Variants in SGCZ observed in about 807,000 individuals in gnomAD.
SGCZ encodes zeta-sarcoglycan.
A neutral mutation model predicts 41.3 loss-of-function variants in SGCZ; 40 were observed. The observed-to-expected ratio is 0.97, with a 90% CI of 0.75 to 1.26. The LOEUF (loss-of-function observed/expected upper bound fraction) is 1.26, where lower values mean the gene tolerates loss of function less well. Ranked by LOEUF, SGCZ falls within the 50% of genes most tolerant of loss-of-function variation. SGCZ has a pLI of 0.00. For synonymous variants in SGCZ, 206 were observed against 137.5 expected, an observed-to-expected ratio of 1.50 and a Z score of -3.49; for missense variants, 552 against 369.8, an observed-to-expected ratio of 1.49 and a Z score of -4.04.
At chr8:14,272,535 C>G (rs1388062546) in intron 3 of SGCZ, among the ~76,000 whole-genome samples, 1 of 152,126 alleles carries the variant, frequency 6.6e-6, no homozygotes, top group Non-Finnish European at 1.5e-5. Context: ...TATGACATGA[C>G]TGAACTTGGA....
At chr8:15,013,469 C>T (rs923946689) in intron 1 of SGCZ, among the ~76,000 whole-genome samples, 3 of 152,134 alleles carry the variant, frequency 2.0e-5, no homozygotes, top group Non-Finnish European at 2.9e-5. Context: ...CTCAAAGGCA[C>T]GTGAAATCAC....
intron 2 of SGCZ, among the ~76,000 whole-genome samples, chr8:14,445,566 C>G (rs1258091196): frequency 6.6e-6 from 1 of 152,132 alleles, no homozygotes; most frequent in African/African-American, 2.4e-5. Context: ...GCCCTCTCCA[C>G]TGAAAACCAT....
At chr8:14,504,100 A>T (rs187307440) in intron 2 of SGCZ, among the ~76,000 whole-genome samples, 32 of 151,890 alleles carry the variant, frequency 2.1e-4, no homozygotes, top group Non-Finnish European at 5.9e-5. Context: ...TTTTTGTCTC[A>T]ATTATATTTT....
chr8:14,104,933 A>ATCTC (rs1332396789), intron 6 of SGCZ, among the ~76,000 whole-genome samples: 1 of 152,122 alleles, frequency 6.6e-6, no homozygotes, highest in Non-Finnish European at 1.5e-5. Flanking sequence ...TAGTTAATGG[A>ATCTC]TCTCAGATCC....
At chr8:14,722,501 AC>A (rs1809919245) in intron 1 of SGCZ, among the ~76,000 whole-genome samples, 1 of 152,114 alleles carries the variant, frequency 6.6e-6, no homozygotes, top group South Asian at 2.1e-4. Context: ...ATGTTGACAT[AC>A]TTTTATGTAT....
intron 1 of SGCZ, among the ~76,000 whole-genome samples, chr8:15,058,105 G>A (rs1008272684): frequency 6.6e-6 from 1 of 152,304 alleles, no homozygotes; most frequent in Middle Eastern, 3.4e-3. Flanking sequence ...TGGTCAAGTA[G>A]ATGGAGCTAT....
At chr8:14,597,210 C>T (rs35876910) in intron 1 of SGCZ, among the ~76,000 whole-genome samples, 46,593 of 152,020 alleles carry the variant, frequency 0.31, 8,480 homozygotes, top group Admixed American at 0.39. Flanking sequence ...ATTGAAGCAG[C>T]TGCTAGTTTA....
At chr8:14,497,456 A>C (rs997411681) in intron 2 of SGCZ, among the ~76,000 whole-genome samples, 2 of 152,174 alleles carry the variant, frequency 1.3e-5, no homozygotes, top group Non-Finnish European at 2.9e-5. Context: ...CACACCCTGC[A>C]GGCTGAATGC....
chr8:14,449,201 CA>C, intron 2 of SGCZ, among the ~76,000 whole-genome samples: 1 of 152,254 alleles, frequency 6.6e-6, no homozygotes. Context: ...TTTCTGACCA[CA>C]ACTTAGGCAA....
Position 14,395,101 on chromosome 8 carries a change from T to G in SGCZ, c.235-70897A>C, listed in dbSNP as rs755430992. Among the ~76,000 whole-genome samples the G allele has an allele frequency of 8.5e-5, 13 of 152,308 alleles. No individual in the cohort carries two copies. In the Middle Eastern group the frequency reaches 0.01, roughly 120 times the overall value. On this transcript the variant is annotated intron_variant, in intron 2 of 7. Coordinates refer to ENST00000382080, the MANE Select transcript of SGCZ (RefSeq NM_139167.4). ...AAAGTACTTAAAACTCTAAGGAACA[T>G]AGAATGTGCTCAGTAAATACTCTAT...
intron 2 of SGCZ, among the ~76,000 whole-genome samples, chr8:14,335,347 GC>G (rs1392865672): frequency 1.3e-5 from 2 of 152,016 alleles, no homozygotes; most frequent in Admixed American, 1.3e-4. Context: ...TTTGAAGGGT[GC>G]TGTAGATTTC....
intron 1 of SGCZ, among the ~76,000 whole-genome samples, chr8:14,765,132 C>G (rs577381167): frequency 1.1e-4 from 16 of 152,304 alleles, no homozygotes; most frequent in African/African-American, 3.8e-4. Flanking sequence ...GCTCCTGTGA[C>G]AGCCACACCC....
intron 1 of SGCZ, among the ~76,000 whole-genome samples, chr8:14,952,438 A>G (rs533266930): frequency 6.6e-6 from 1 of 152,218 alleles, no homozygotes; most frequent in African/African-American, 2.4e-5. Flanking sequence ...ATGCTGATTT[A>G]CTGGTAATGC....
At chr8:14,344,978 C>T (rs953508377) in intron 2 of SGCZ, among the ~76,000 whole-genome samples, 47 of 151,946 alleles carry the variant, frequency 3.1e-4, no homozygotes, top group Admixed American at 3.0e-3. Context: ...CACTTGTAGG[C>T]ATACACACTG....
intron 1 of SGCZ, among the ~76,000 whole-genome samples, chr8:15,001,892 G>C (rs576480111): frequency 3.9e-5 from 6 of 152,256 alleles, no homozygotes; most frequent in African/African-American, 1.4e-4. Context: ...TGCATGGTTA[G>C]TAAGTGGTCA....
At chr8:14,538,950 G>C (rs559504698) in intron 2 of SGCZ, among the ~76,000 whole-genome samples, 1 of 151,962 alleles carries the variant, frequency 6.6e-6, no homozygotes, top group East Asian at 1.9e-4. Flanking sequence ...TCATGTGTCA[G>C]CTTGGCTGGG....
At chr8:14,626,876 T>C (rs997947071) in intron 1 of SGCZ, among the ~76,000 whole-genome samples, 1 of 152,162 alleles carries the variant, frequency 6.6e-6, no homozygotes, top group South Asian at 2.1e-4. Context: ...TACTTTGTGA[T>C]GGTAGCAAAC....
chr8:14,926,670 C>G (rs1287045848), intron 1 of SGCZ, among the ~76,000 whole-genome samples: 1 of 151,706 alleles, frequency 6.6e-6, no homozygotes, highest in Non-Finnish European at 1.5e-5. Flanking sequence ...TTGAGACAGT[C>G]TCGCTCTGTT....
At chr8:14,904,943 T>C (rs957291310) in intron 1 of SGCZ, among the ~76,000 whole-genome samples, 22 of 152,126 alleles carry the variant, frequency 1.4e-4, no homozygotes, top group African/African-American at 4.3e-4. Flanking sequence ...TTTATCAATA[T>C]GTATTCATAT....
Sources: gnomAD v4.1 joint callset for allele counts (sites outside exome capture counted in the v4.1 genomes callset) on GRCh38, gnomAD v4.1.1 for gene constraint, MANE v1.5 for transcripts, NCBI Gene and HGNC (gene_info 2026-07-23, HGNC 2026-07-21) for gene names.